The following KIF26B variants were observed in gnomAD, a reference collection of about 807,000 sequenced individuals.
The protein encoded by KIF26B is kinesin-like protein KIF26B.
In KIF26B, 63 loss-of-function variants were observed where a neutral mutation model predicts 151.2. That is an observed-to-expected ratio of 0.42 (90% CI 0.34 to 0.51). KIF26B has a LOEUF of 0.51. Among genes scored for constraint, KIF26B ranks in the 20% least tolerant of loss-of-function variants. The probability of loss-of-function intolerance (pLI) is 0.07; values close to 1 mark genes in which losing one functional copy is unlikely to be tolerated. For synonymous variants in KIF26B, 1,357 were observed against 1,262.1 expected (o/e 1.08, Z -1.59); for missense variants, 2,813 against 2,913.6 (o/e 0.97, Z 0.79).
At chr1:245,507,967 A>T (rs903049946) in intron 4 of KIF26B, among the ~76,000 whole-genome samples, 1 of 152,182 alleles carries the variant, frequency 6.6e-6, no homozygotes, top group South Asian at 2.1e-4. Flanking sequence ...AATGTGGTGC[A>T]GTGGAAAGTG....
At chr1:245,316,224 C>A (rs113862757) in intron 2 of KIF26B, among the ~76,000 whole-genome samples, 2 of 151,690 alleles carry the variant, frequency 1.3e-5, no homozygotes, top group African/African-American at 4.8e-5. Context: ...CAGGTTCAAG[C>A]GATTCTCCTG....
intron 5 of KIF26B, among the ~76,000 whole-genome samples, chr1:245,582,684 T>A (rs1007766670): frequency 2.0e-4 from 30 of 152,128 alleles, no homozygotes; most frequent in Admixed American, 1.8e-3. Context: ...GAAAAGAAAA[T>A]GCACAGGACC....
At chr1:245,351,118 A>G (rs1483653458) in intron 2 of KIF26B, among the ~76,000 whole-genome samples, 4 of 152,206 alleles carry the variant, frequency 2.6e-5, no homozygotes, top group Non-Finnish European at 4.4e-5. Context: ...CTTCTGACCT[A>G]TGCATTGGGA....
intron 2 of KIF26B, among the ~76,000 whole-genome samples, chr1:245,297,835 G>A (rs1404121040): frequency 2.0e-5 from 3 of 152,172 alleles, no homozygotes. Context: ...TGTTGTGTGT[G>A]CTTGTGAATC....
In KIF26B at chr1:245,420,449, A is replaced by G. The variant is rs142978511; in HGVS notation, c.1166+704A>G. 3.0e-3 allele frequency among the ~76,000 whole-genome samples: 455 copies of G among 152,332 alleles called. 1 individual carries two copies. The highest frequency in any genetic ancestry group is 0.011 in the African/African-American group (445 of 41,566). On this transcript the variant is annotated intron_variant, in intron 4 of 14. Coordinates refer to ENST00000407071, the MANE Select transcript of KIF26B (RefSeq NM_018012.4). ...GGAAACCGAGGACCAGGAAGGTTCA[A>G]CTAGGAGTGAGTTTATAGCACAGCC...
At position 245,702,763 on chromosome 1, in the gene KIF26B, T is replaced by TTTTG. The variant is rs1041554849; in HGVS notation, c.*161_*164dup. 5.1e-6 allele frequency: 4 copies of TTTTG among 790,754 alleles called. No homozygotes were observed. Among genetic ancestry groups the TTTTG allele is most frequent in the African/African-American group, 1.7e-5 (1 of 58,092 alleles). 49.0% of individuals were successfully genotyped at this position (790,754 alleles called of 1,614,324 possible). ...GGCGTTGAGCGGAAGGCGAGTTTTC[T>TTTTG]TTTGTTTTCTGTAGGAAAGGTGCAA... On this transcript the variant is annotated 3_prime_UTR_variant, in exon 15 of 15. Coordinates refer to ENST00000407071, the MANE Select transcript of KIF26B (RefSeq NM_018012.4). The surrounding 1 kb of genome is among the most constrained non-coding windows in gnomAD (Gnocchi z 4.1).
intron 4 of KIF26B, among the ~76,000 whole-genome samples, chr1:245,435,049 A>T (rs1658874895): frequency 9.7e-6 from 1 of 103,230 alleles, no homozygotes; most frequent in Non-Finnish European, 2.0e-5. Context: ...CCATCCATCC[A>T]TCTCTCCATC....
chr1:245,395,107 T>C (rs1340856680), intron 3 of KIF26B, among the ~76,000 whole-genome samples: 1 of 93,698 alleles, frequency 1.1e-5, no homozygotes, highest in African/African-American at 4.2e-5. Flanking sequence ...TGCAATATTA[T>C]AGAGCTAGTT....
chr1:245,555,628 G>T (rs917734431), intron 5 of KIF26B, among the ~76,000 whole-genome samples: 4 of 152,144 alleles, frequency 2.6e-5, no homozygotes, highest in Non-Finnish European at 5.9e-5. Flanking sequence ...CAAGAAGGCT[G>T]GAAAGACAGA....
chr1:245,592,612 C>T (rs2043300411), intron 5 of KIF26B, among the ~76,000 whole-genome samples: 1 of 152,186 alleles, frequency 6.6e-6, no homozygotes, highest in Admixed American at 6.5e-5. Context: ...GGAGCAGTCG[C>T]TGCCCCAAAG....
intron 4 of KIF26B, among the ~76,000 whole-genome samples, chr1:245,503,151 A>G (rs985885263): frequency 6.6e-6 from 1 of 152,036 alleles, no homozygotes; most frequent in East Asian, 1.9e-4. Flanking sequence ...GAGCCACCGC[A>G]CCCGGCCATG....
chr1:245,331,209 C>T (rs758331551), intron 2 of KIF26B, among the ~76,000 whole-genome samples: 2 of 152,040 alleles, frequency 1.3e-5, no homozygotes, highest in Non-Finnish European at 2.9e-5. Flanking sequence ...AGACATGGAT[C>T]GCGCTCTTGC....
chr1:245,344,367 C>T (rs1672398597), intron 2 of KIF26B, among the ~76,000 whole-genome samples: 1 of 151,666 alleles, frequency 6.6e-6, no homozygotes, highest in East Asian at 1.9e-4. Flanking sequence ...GAAATGTATC[C>T]TCTAGTAGTC....
intron 4 of KIF26B, among the ~76,000 whole-genome samples, chr1:245,515,271 C>T (rs1255501575): frequency 6.6e-6 from 1 of 152,150 alleles, no homozygotes; most frequent in African/African-American, 2.4e-5. Flanking sequence ...CCCCTGATCC[C>T]CTGAGCCCGA....
At chr1:245,373,556 G>A (rs902484284) in intron 3 of KIF26B, among the ~76,000 whole-genome samples, 2 of 152,192 alleles carry the variant, frequency 1.3e-5, no homozygotes, top group Non-Finnish European at 2.9e-5. Flanking sequence ...GACCGTTGAT[G>A]CAATGAAGGT....
intron 9 of KIF26B, among the ~76,000 whole-genome samples, chr1:245,640,143 C>CTCTCTCTCTCTCTCTCTATATATATATA: frequency 6.9e-4 from 22 of 31,916 alleles, no homozygotes; most frequent in African/African-American, 1.4e-3. Context: ...CTCTCTCTCT[C>CTCTCTCTCTCTCTCTCTATATATATATA]TATATATATA....
chr1:245,302,967 C>T (rs1224828761), intron 2 of KIF26B, among the ~76,000 whole-genome samples: 9 of 93,218 alleles, frequency 9.7e-5, no homozygotes, highest in Non-Finnish European at 1.7e-4. Context: ...CCAGCCTGGG[C>T]AATAGAGCAA....
Position 245,556,302 on chromosome 1 carries a change from T to TCCTCCTCCTTCCTC in KIF26B, c.1350+15361_1350+15362insTCCTCCCTCCTCCT, listed in dbSNP as rs1324132892. Among the ~76,000 whole-genome samples, 976 of 143,980 alleles carry TCCTCCTCCTTCCTC rather than the reference T, an allele frequency of 6.8e-3. 20 individuals are homozygous for TCCTCCTCCTTCCTC. The highest frequency in any genetic ancestry group is 0.025 in the African/African-American group (902 of 35,982). 94.5% of individuals were successfully genotyped at this position (143,980 alleles called of 152,430 possible). On this transcript the variant is annotated intron_variant, in intron 5 of 14. Coordinates refer to ENST00000407071, the MANE Select transcript of KIF26B (RefSeq NM_018012.4). ...CTTCTTCTTCCTCCTCCTTCCTCCC[T>TCCTCCTCCTTCCTC]CCTCCTCCTCCTTCTTCTTCTTCCT...
At position 245,602,191 on chromosome 1, in the gene KIF26B, A is replaced by G. The variant is rs115373521; in HGVS notation, c.1351-386A>G. ...AATTACGGAGCTAACTTTTATGTGC[A>G]TGGTTTATTGATCTGTGAGCTTCAA... On this transcript the variant is annotated intron_variant, in intron 5 of 14. Transcript: ENST00000407071. This position sits in a 1 kb window ranked among gnomAD's most constrained non-coding sequence, Gnocchi z 4.5. Among the ~76,000 whole-genome samples the G allele has an allele frequency of 0.023, 3,434 of 152,280 alleles. 38 individuals are homozygous for G. The highest frequency in any genetic ancestry group is 0.037 in the Non-Finnish European group (2,488 of 68,012).
Sources: allele counts gnomAD v4.1 joint callset (sites outside exome capture counted in the v4.1 genomes callset), GRCh38; gene constraint gnomAD v4.1.1; non-coding constraint Gnocchi (gnomAD v3.1); transcripts MANE v1.5; gene names NCBI Gene and HGNC (gene_info 2026-07-23, HGNC 2026-07-21).